Variants in AGBL1 observed in about 807,000 individuals in gnomAD.
The protein encoded by AGBL1 is AGBL carboxypeptidase 1.
In AGBL1, 130 loss-of-function variants were observed where a neutral mutation model predicts 118.9. That is an observed-to-expected ratio of 1.09 (90% confidence interval 0.95 to 1.26). AGBL1 has a LOEUF of 1.26. AGBL1 is among the 50% of genes most tolerant of loss of function. The pLI, the probability that AGBL1 is intolerant of heterozygous loss-of-function variation, is 0.00. For synonymous variants in AGBL1, 555 were observed against 478.9 expected (o/e 1.16, Z -2.08); for missense variants, 1,584 against 1,298.1 (o/e 1.22, Z -3.38).
At chr15:86,935,112 G>A (rs770227058) in intron 23 of AGBL1, 16 of 152,102 alleles carry the variant, frequency 1.1e-4, no homozygotes, top group Non-Finnish European at 1.9e-4. Flanking sequence ...CATTATGGGA[G>A]TGAAAATGAA....
chr15:86,714,989 C>A (rs74025442), intron 22 of AGBL1, among the ~76,000 whole-genome samples: 1 of 152,294 alleles, frequency 6.6e-6, no homozygotes, highest in African/African-American at 2.4e-5. Context: ...AAGTTAAGTA[C>A]TTTAATGATC....
intron 18 of AGBL1, among the ~76,000 whole-genome samples, chr15:86,432,200 A>AATTTCT: frequency 6.6e-6 from 1 of 152,338 alleles, no homozygotes; most frequent in Middle Eastern, 3.4e-3. Flanking sequence ...AATGTAAGCC[A>AATTTCT]ATGTTAAGAC....
chr15:86,917,188 GCT>G (rs1408130470), downstream of AGBL1, among the ~76,000 whole-genome samples: 1 of 152,130 alleles, frequency 6.6e-6, no homozygotes, highest in East Asian at 1.9e-4. The surrounding 1 kb of genome is among the most constrained non-coding windows in gnomAD (Gnocchi z 4.8). Context: ...AGGCGTGGCT[GCT>G]CTCTCAGGCT....
rs781262612 is a variant in AGBL1 at position 86,264,281 on chromosome 15, T to A, written c.1110T>A (p.Asp370Glu). Residue 370 changes from aspartate to glutamate, a missense_variant, in exon 11 of 23, where the codon GAT (aspartate) becomes GAA (glutamate). Physicochemically the swap from Asp to Glu is conservative, Grantham distance 45 (BLOSUM62 2). Coordinates refer to ENST00000614907, the MANE Select transcript of AGBL1 (RefSeq NM_001386094.1). ...AGGAACTGCAGTCCAAACTTGGAGA[T>A]GATTTGAACTCTGAAAAGACTCAGT... ...SFEELQSKLG[D>E]DLNSEKTQYA... The A allele has an allele frequency of 6.2e-7, 1 of 1,602,534 alleles. No individual in the cohort carries two copies. Among genetic ancestry groups the A allele is most frequent in the South Asian group, 1.1e-5 (1 of 88,730 alleles).
At chr15:86,555,005 G>C (rs1166891129) in intron 21 of AGBL1, among the ~76,000 whole-genome samples, 1 of 152,164 alleles carries the variant, frequency 6.6e-6, no homozygotes, top group Non-Finnish European at 1.5e-5. Context: ...TTGTTATCCT[G>C]CTGTCTCCAG....
chr15:86,264,891 A>T (rs193086772), intron 11 of AGBL1, 53 bp downstream of exon 11: 1 of 1,431,466 alleles, frequency 7.0e-7, no homozygotes, highest in African/African-American at 1.4e-5. Flanking sequence ...TGATAATTTT[A>T]TAAGTAAAAT....
intron 6 of AGBL1, among the ~76,000 whole-genome samples, chr15:86,245,886 A>G (rs761543809): frequency 4.0e-5 from 6 of 151,732 alleles, no homozygotes; most frequent in Non-Finnish European, 8.8e-5. Context: ...AGTGTATTTT[A>G]ATTTCTTTCT....
chr15:86,501,635 G>A (rs1184972732), intron 18 of AGBL1, among the ~76,000 whole-genome samples: 2 of 151,486 alleles, frequency 1.3e-5, no homozygotes, highest in Non-Finnish European at 3.0e-5. Flanking sequence ...GTTACTTGAG[G>A]TGAAGGTCCA....
chr15:86,409,982 T>A (rs989524211), intron 18 of AGBL1, among the ~76,000 whole-genome samples: 1 of 152,176 alleles, frequency 6.6e-6, no homozygotes, highest in African/African-American at 2.4e-5. Flanking sequence ...ATCTCTCTTC[T>A]TAGCATCCCC....
chr15:86,119,654 T>TG (rs1405100904), intron 1 of AGBL1, among the ~76,000 whole-genome samples: 2 of 112,696 alleles, frequency 1.8e-5, no homozygotes, highest in East Asian at 2.1e-4. Flanking sequence ...AGAAAAGTAG[T>TG]TTGTGTGTGT....
intron 23 of AGBL1, among the ~76,000 whole-genome samples, chr15:86,961,475 A>G (rs1399110900): frequency 6.6e-6 from 1 of 151,980 alleles, no homozygotes; most frequent in Non-Finnish European, 1.5e-5. Context: ...TGAAGAAGAG[A>G]CCCAGAGCCA....
At chr15:86,245,167 G>GA (rs1175410148) in intron 6 of AGBL1, among the ~76,000 whole-genome samples, 2 of 151,928 alleles carry the variant, frequency 1.3e-5, no homozygotes, top group African/African-American at 2.4e-5. Flanking sequence ...CAAACAAGCA[G>GA]AAAAAAAGAG....
At position 86,484,786 on chromosome 15, in the gene AGBL1, G is replaced by A. The variant is rs529644707; in HGVS notation, c.2556-38024G>A. 1.4e-4 allele frequency among the ~76,000 whole-genome samples: 21 copies of A among 152,110 alleles called. No individual in the cohort carries two copies. The South Asian group carries it at 2.1e-3, about 15-fold the overall frequency. ...TTCCAAATCTGCAGCTGTATTGTTC[G>A]ACTGAGATGAATTCTAGAGAACTGC... On this transcript the variant is annotated intron_variant, in intron 18 of 22. Coordinates refer to ENST00000614907, the MANE Select transcript of AGBL1 (RefSeq NM_001386094.1).
At chr15:86,960,831 G>C (rs2080985424) in intron 23 of AGBL1, among the ~76,000 whole-genome samples, 1 of 151,994 alleles carries the variant, frequency 6.6e-6, no homozygotes, top group African/African-American at 2.4e-5. Context: ...AAATAAGCCA[G>C]ACAGAAAAAC....
intron 16 of AGBL1, among the ~76,000 whole-genome samples, chr15:86,287,265 A>T (rs1271619825): frequency 6.6e-6 from 1 of 151,992 alleles, no homozygotes; most frequent in Non-Finnish European, 1.5e-5. Context: ...CCCTTATCTG[A>T]TGTATGATTT....
At chr15:86,376,741 C>G (rs926982258) in intron 17 of AGBL1, among the ~76,000 whole-genome samples, 1 of 152,164 alleles carries the variant, frequency 6.6e-6, no homozygotes, top group African/African-American at 2.4e-5. Context: ...GGCTCAAGCT[C>G]TCATCTTAAG....
intron 20 of AGBL1, among the ~76,000 whole-genome samples, chr15:86,552,317 AT>A (rs1304044689): frequency 1.3e-5 from 2 of 152,046 alleles, no homozygotes; most frequent in Admixed American, 1.3e-4. Flanking sequence ...AAGCCTTTTT[AT>A]TTTTTTTAAA....
intron 21 of AGBL1, among the ~76,000 whole-genome samples, chr15:86,582,050 G>A (rs1306640448): frequency 1.3e-5 from 2 of 152,114 alleles, no homozygotes; most frequent in Non-Finnish European, 1.5e-5. Flanking sequence ...GGCTGACATT[G>A]TAGGATATTT....
In AGBL1 at chr15:86,953,691, A is replaced by G. The variant is rs145182457; in HGVS notation, c.3222-34296A>G. Among the ~76,000 whole-genome samples the G allele has an allele frequency of 3.0e-3, 450 of 152,168 alleles. 1 individual carries two copies. The highest frequency in any genetic ancestry group is 6.8e-3 in the Middle Eastern group (2 of 294). ...CAGGTGTGAGCCACTGTGGCTGGAC[A>G]AGGGTTGTGTTCTTGATTTGACTTT... On this transcript the variant is annotated intron_variant, in intron 23 of 24. Coordinates refer to the AGBL1 transcript ENST00000441037.
Sources: gnomAD v4.1 joint callset for allele counts (sites outside exome capture counted in the v4.1 genomes callset) on GRCh38, gnomAD v4.1.1 for gene constraint, Gnocchi (gnomAD v3.1) non-coding constraint, MANE v1.5 for transcripts, NCBI Gene and HGNC (gene_info 2026-07-23, HGNC 2026-07-21) for gene names.